DHX33: variants seen among roughly 807,000 people sequenced by gnomAD.
The protein encoded by DHX33 is DEAH-box helicase 33, also known as ATP-dependent RNA helicase DHX33.
Under a neutral mutation model 72.5 loss-of-function variants are expected in DHX33, and 42 were observed. The observed-to-expected ratio is 0.58, with a 90% CI of 0.45 to 0.75. The LOEUF (loss-of-function observed/expected upper bound fraction) is 0.75. DHX33 is among the 30% of genes least tolerant of loss of function. DHX33 has a pLI of 0.00. For missense variants in DHX33, 842 were observed against 917.5 expected, an observed-to-expected ratio of 0.92 and a Z score of 1.06; for synonymous variants, 358 against 366.1, an observed-to-expected ratio of 0.98 and a Z score of 0.25.
In DHX33 at chr17:5,444,808, C is replaced by T. The variant is rs1308016194; in HGVS notation, c.1816-295G>A. ...CCACAGGCAGGTTGGGTGACCCACC[C>T]CTCACCTAAATTCCATCAGGACGGC... On this transcript the variant is annotated intron_variant, in intron 11 of 11. Coordinates refer to ENST00000225296, the MANE Select transcript of DHX33 (RefSeq NM_020162.4). This position sits in a 1 kb window ranked among gnomAD's most constrained non-coding sequence, Gnocchi z 4.9. Among the ~76,000 whole-genome samples, 1 of 152,136 alleles carries T rather than the reference C, an allele frequency of 6.6e-6. No individual in the cohort carries two copies. Among genetic ancestry groups the T allele is most frequent in the East Asian group, 1.9e-4 (1 of 5,186 alleles).
Position 5,444,291 on chromosome 17 carries a change from G to A in DHX33, c.2038C>T (p.Arg680Trp), listed in dbSNP as rs1365613819. The change falls in exon 12 of 12, where the codon CGG (arginine) becomes TGG (tryptophan). Residue 680 changes from arginine (R) to tryptophan (W), a missense_variant. Physicochemically the swap from Arg to Trp is moderately radical, Grantham distance 101 (BLOSUM62 -3). Coordinates refer to ENST00000225296, the MANE Select transcript of DHX33 (RefSeq NM_020162.4). This position sits in a 1 kb window ranked among gnomAD's most constrained non-coding sequence, Gnocchi z 4.9. ...TGTGCATCTATGACGCAGAGGTCCC[G>A]CATGTAGCACTTGTTGGTGTAGAGC... ...ELLYTNKCYMRDLCVIDAQWL... is the reference protein window; with the variant it reads ...ELLYTNKCYMWDLCVIDAQWL... 3.7e-6 allele frequency: 6 copies of A among 1,614,146 alleles called. No homozygotes were observed. The highest frequency in any genetic ancestry group is 4.5e-5 in the East Asian group (2 of 44,886).
chr17:5,443,987 CA>C lies in DHX33; in HGVS notation c.*217del. 1 of 513,504 alleles carries C rather than the reference CA, an allele frequency of 1.9e-6. No homozygotes were observed. The highest frequency in any genetic ancestry group is 3.4e-6 in the Non-Finnish European group (1 of 298,444). The allele number at this position is 513,504 out of a possible 1,614,324, so 31.8% of individuals were successfully genotyped here. A position where few individuals can be genotyped will look rare whatever the true frequency, so the allele number is the denominator to read the frequency against. On this transcript the variant is annotated 3_prime_UTR_variant, in exon 12 of 12. Coordinates refer to ENST00000225296, the MANE Select transcript of DHX33 (RefSeq NM_020162.4). ...TAAGTCAAAGTCACCCAGTAAGAAC[CA>C]AAAGCATAATTTTGAGGTTTCCAGG...
rs749331945 is a variant in DHX33, at chr17:5,444,501, T to C, written c.1828A>G (p.Ile610Val). ...RDICLKMSMP[I>V]ASSRGDVESV... is the part of the protein sequence containing the mutation. ...TCCACGTCTCCTCGGGATGATGCGA[T>C]TGGCATTGACATCTGTTTCGGGAGA... Residue 610 changes from isoleucine (I) to valine (V), a missense_variant, in exon 12 of 12, where the codon ATC (isoleucine) becomes GTC (valine). Physicochemically the swap from Ile to Val is conservative, Grantham distance 29 (BLOSUM62 3). Transcript: ENST00000225296. The surrounding 1 kb of genome is among the most constrained non-coding windows in gnomAD (Gnocchi z 4.9). The C allele has an allele frequency of 8.1e-6, 13 of 1,613,558 alleles. No individual in the cohort carries two copies. Among genetic ancestry groups the C allele is most frequent in the African/African-American group, 8.0e-5 (6 of 74,928 alleles).
Position 5,462,507 on chromosome 17 carries a change from C to A in DHX33, c.490G>T (p.Asp164Tyr). 1 of 1,614,194 alleles carries A rather than the reference C, an allele frequency of 6.2e-7. No homozygotes were observed. The highest frequency in any genetic ancestry group is 1.3e-5 in the African/African-American group (1 of 75,062). ...TVRFDDVTSE[D>Y]TRIKFLTDGM... is the part of the protein sequence containing the mutation. ...TCTGTCAGAAACTTGATCCTGGTGT[C>A]TTCTGAGGTGACATCATCAAAGCGC... The change falls in exon 3 of 12, where the codon GAC becomes TAC. Residue 164 changes from aspartate (D) to tyrosine (Y), a missense_variant. By Grantham distance (160) the Asp-to-Tyr change is radical (BLOSUM62 -3). Transcript: ENST00000225296.
chr17:5,453,219 T>A (rs1270503780), intron 8 of DHX33, among the ~76,000 whole-genome samples: 2 of 152,178 alleles, frequency 1.3e-5, no homozygotes, highest in Non-Finnish European at 2.9e-5. Context: ...ATGGTGCTGA[T>A]AGTACAGAAT....
intron 11 of DHX33, among the ~76,000 whole-genome samples, chr17:5,447,135 A>G (rs1410581697): frequency 6.6e-6 from 1 of 152,262 alleles, no homozygotes; most frequent in Non-Finnish European, 1.5e-5. Context: ...TATCTCTGAC[A>G]TAAAATGTGG....
At chr17:5,454,036 A>G in intron 6 of DHX33, 56 bp from the exon 7 acceptor site, 2 of 1,579,776 alleles carry the variant, frequency 1.3e-6, no homozygotes, top group South Asian at 1.2e-5. Context: ...CTCTTTCTAC[A>G]GTGTCGATAA....
intron 8 of DHX33, among the ~76,000 whole-genome samples, chr17:5,452,705 T>C (rs1215300071): frequency 6.6e-6 from 1 of 152,108 alleles, no homozygotes; most frequent in African/African-American, 2.4e-5. Context: ...ACAACCAGAG[T>C]GAGACCCTGT....
At position 5,468,905 on chromosome 17, in the gene DHX33, G is replaced by A. The variant is rs1567606150; in HGVS notation, c.-46C>T. On this transcript the variant is annotated 5_prime_UTR_variant, in exon 1 of 12. Transcript: ENST00000225296. ...GGAGGCGCAAGCGCCGAGAGCTCCT[G>A]CCCCCTCTCAGGTGCAGACAACAGG... 2.6e-6 allele frequency: 4 copies of A among 1,546,638 alleles called. No homozygotes were observed. In the South Asian group the frequency reaches 3.6e-5, roughly 14 times the overall value.
At chr17:5,450,152 T>A (rs367692511) in intron 10 of DHX33, 51 bp downstream of exon 10, 21 of 1,606,166 alleles carry the variant, frequency 1.3e-5, no homozygotes, top group Non-Finnish European at 1.8e-5. Flanking sequence ...GGGAAGCACA[T>A]AGCAGAGACA....
Position 5,450,267 on chromosome 17 carries a change from C to T in DHX33, c.1664G>A (p.Ser555Asn). 3 of 1,614,176 alleles carry T rather than the reference C, an allele frequency of 1.9e-6. No homozygotes were observed. In the South Asian group the frequency reaches 3.3e-5, roughly 18 times the overall value. The change falls in exon 10 of 12, where the codon AGC becomes AAC. Residue 555 changes from serine to asparagine, a missense_variant. By Grantham distance (46) the Ser-to-Asn change is conservative. Coordinates refer to ENST00000225296, the MANE Select transcript of DHX33 (RefSeq NM_020162.4). ...VQGVRKKFIS[S>N]EGDHMTLLNI... Reference sequence around the variant, plus strand: ...GAGCAGGGTCATGTGATCCCCCTCGCTGGATATGAACTTCTTGCGGACCCC... The same window carrying T: ...GAGCAGGGTCATGTGATCCCCCTCGTTGGATATGAACTTCTTGCGGACCCC...
intron 8 of DHX33, among the ~76,000 whole-genome samples, chr17:5,451,466 A>G (rs1430891493): frequency 6.6e-6 from 1 of 152,162 alleles, no homozygotes; most frequent in Non-Finnish European, 1.5e-5. Flanking sequence ...GAATATACAC[A>G]TTAAAAGTGT....
At chr17:5,466,755 C>T (rs1315354448) in intron 1 of DHX33, among the ~76,000 whole-genome samples, 6 of 152,210 alleles carry the variant, frequency 3.9e-5, no homozygotes, top group Admixed American at 6.5e-5. Flanking sequence ...TGAAATAAGC[C>T]AGACCTTAAC....
intron 1 of DHX33, among the ~76,000 whole-genome samples, chr17:5,466,546 G>C (rs3026149): frequency 6.6e-6 from 1 of 152,138 alleles, no homozygotes. Context: ...CGATGGGATG[G>C]ATCCACGATC....
chr17:5,462,536 G>A lies in DHX33; in HGVS notation c.461C>T (p.Thr154Ile). 1 of 1,613,598 alleles carries A rather than the reference G, an allele frequency of 6.2e-7. No individual in the cohort carries two copies. Among genetic ancestry groups the A allele is most frequent in the Non-Finnish European group, 8.5e-7 (1 of 1,179,596 alleles). The change falls in exon 3 of 12, where the codon ACA becomes ATA. Residue 154 changes from threonine (T) to isoleucine (I), a missense_variant. Thr to Ile is a moderately conservative substitution (Grantham distance 89). Transcript: ENST00000225296. ...TGAGGTGACATCATCAAAGCGCACT[G>A]TATAGCCAACCTGTGCAGGGAAACA... ...RTELGKLVGY[T>I]VRFDDVTSED...
chr17:5,447,110 A>T (rs184241426), intron 11 of DHX33, among the ~76,000 whole-genome samples: 237 of 152,324 alleles, frequency 1.6e-3, no homozygotes, highest in Middle Eastern at 6.8e-3. Context: ...GCAAAAGAAC[A>T]CTTCCGCTAC....
chr17:5,452,710 C>A (rs1291663593), intron 8 of DHX33, among the ~76,000 whole-genome samples: 2 of 152,158 alleles, frequency 1.3e-5, no homozygotes, highest in Non-Finnish European at 1.5e-5. Flanking sequence ...CAGAGTGAGA[C>A]CCTGTCTCAA....
intron 11 of DHX33, among the ~76,000 whole-genome samples, chr17:5,445,736 C>T (rs186934160): frequency 1.4e-4 from 21 of 152,176 alleles, no homozygotes; most frequent in African/African-American, 4.6e-4. Context: ...CACTTCCATG[C>T]GGAGGTAAAG....
rs1467027959 is a variant in DHX33 at position 5,468,444 on chromosome 17, G to A, written c.289+127C>T. 3 of 1,268,198 alleles carry A rather than the reference G, an allele frequency of 2.4e-6. No individual in the cohort carries two copies. In the African/African-American group the frequency reaches 4.5e-5, roughly 19 times the overall value. 78.6% of individuals were successfully genotyped at this position (1,268,198 alleles called of 1,614,324 possible). On this transcript the variant is annotated intron_variant, in intron 1 of 11. Transcript: ENST00000225296. ...TTCTTCGAGGCCCCTCTCCAGGTCT[G>A]GCCCAGAAAAGGTATTCAGGTTTGT...
Sources: allele counts gnomAD v4.1 joint callset (sites outside exome capture counted in the v4.1 genomes callset), GRCh38; gene constraint gnomAD v4.1.1; non-coding constraint Gnocchi (gnomAD v3.1); transcripts MANE v1.5; gene names NCBI Gene and HGNC (gene_info 2026-07-23, HGNC 2026-07-21).